The following DOK5 variants were observed in gnomAD, a reference collection of about 807,000 sequenced individuals.
DOK5 encodes the protein docking protein 5, also known as downstream of tyrosine kinase 5.
Under a neutral mutation model 43.3 loss-of-function variants are expected in DOK5, and 27 were observed. The ratio of observed to expected loss-of-function variants is 0.62; its 90% CI spans 0.46 to 0.86. The LOEUF is 0.86. Ranked by LOEUF, DOK5 falls within the 40% of genes least tolerant of loss-of-function variation. The pLI, the probability that DOK5 is intolerant of heterozygous loss-of-function variation, is 0.00. For missense variants in DOK5, 373 were observed against 392.9 expected (o/e 0.95, Z 0.43); for synonymous variants, 146 against 140.1 (o/e 1.04, Z -0.30).
chr20:54,630,391 C>A (rs1978509027), intron 6 of DOK5, among the ~76,000 whole-genome samples: 3 of 152,066 alleles, frequency 2.0e-5, no homozygotes, highest in Admixed American at 6.6e-5. Context: ...AACCTGTACT[C>A]GGAAGGGGAA....
At chr20:54,601,310 G>A (rs759692655) in intron 5 of DOK5, among the ~76,000 whole-genome samples, 2 of 152,218 alleles carry the variant, frequency 1.3e-5, no homozygotes, top group Non-Finnish European at 2.9e-5. Flanking sequence ...ACTGTTAAAA[G>A]CACTGCTAAT....
chr20:54,586,205 A>G (rs1985799203), intron 2 of DOK5, among the ~76,000 whole-genome samples: 1 of 152,218 alleles, frequency 6.6e-6, no homozygotes, highest in Non-Finnish European at 1.5e-5. Context: ...TCAGCCCTTC[A>G]GTAAGTCATT....
chr20:54,583,305 G>C (rs1416240749), intron 2 of DOK5, among the ~76,000 whole-genome samples: 1 of 152,038 alleles, frequency 6.6e-6, no homozygotes, highest in Non-Finnish European at 1.5e-5. Flanking sequence ...GTCAAGACTT[G>C]TTTTGTTACC....
At chr20:54,615,650 G>T (rs1986784967) in intron 6 of DOK5, among the ~76,000 whole-genome samples, 1 of 152,200 alleles carries the variant, frequency 6.6e-6, no homozygotes. Flanking sequence ...AGTGGCTCAT[G>T]CCTGTAATCC....
intron 1 of DOK5, among the ~76,000 whole-genome samples, chr20:54,494,224 T>A (rs1051932218): frequency 6.6e-6 from 1 of 152,246 alleles, no homozygotes; most frequent in Admixed American, 6.5e-5. Context: ...ATTGTTGTAC[T>A]CTTAATGTTC....
At chr20:54,554,888 T>C (rs779090687) in intron 1 of DOK5, 45 bp from the exon 2 acceptor site, 1 of 1,196,344 alleles carries the variant, frequency 8.4e-7, no homozygotes, top group Non-Finnish European at 1.2e-6. Flanking sequence ...AATGCAAATG[T>C]CAGTCAGGGG....
At chr20:54,524,104 A>G (rs1983503490) in intron 1 of DOK5, among the ~76,000 whole-genome samples, 1 of 152,138 alleles carries the variant, frequency 6.6e-6, no homozygotes, top group Non-Finnish European at 1.5e-5. Flanking sequence ...GTTCTAGCCC[A>G]ACGTTTATGC....
intron 1 of DOK5, among the ~76,000 whole-genome samples, chr20:54,494,098 C>G (rs1330682820): frequency 6.6e-6 from 1 of 152,196 alleles, no homozygotes; most frequent in Non-Finnish European, 1.5e-5. Context: ...GTGAGCTTCA[C>G]AAGGGCACAG....
chr20:54,597,360 A>C (rs1462762127), intron 5 of DOK5, among the ~76,000 whole-genome samples: 1 of 152,190 alleles, frequency 6.6e-6, no homozygotes, highest in African/African-American at 2.4e-5. Context: ...ATGCTGCTAC[A>C]GGCACAGAAT....
chr20:54,477,141 G>A (rs532140467), intron 1 of DOK5, among the ~76,000 whole-genome samples: 13 of 152,254 alleles, frequency 8.5e-5, no homozygotes, highest in African/African-American at 3.1e-4. Context: ...TTGATAATGA[G>A]TGGTAAATTG....
chr20:54,642,350 C>G (rs1979159892), intron 6 of DOK5, among the ~76,000 whole-genome samples: 1 of 152,120 alleles, frequency 6.6e-6, no homozygotes, highest in African/African-American at 2.4e-5. Context: ...AATACTTGTT[C>G]AAACAGACTT....
chr20:54,637,992 G>C (rs372865719), intron 6 of DOK5, among the ~76,000 whole-genome samples: 4 of 152,060 alleles, frequency 2.6e-5, no homozygotes, highest in Non-Finnish European at 4.4e-5. Flanking sequence ...CGTGGTGGCG[G>C]GCACCTGTAG....
intron 7 of DOK5, among the ~76,000 whole-genome samples, chr20:54,644,209 C>G (rs1405205894): frequency 2.6e-5 from 4 of 152,202 alleles, no homozygotes; most frequent in Admixed American, 2.6e-4. Context: ...AGCTCTTCTT[C>G]TAGAGAAGTG....
At chr20:54,631,966 G>A (rs774699075) in intron 6 of DOK5, among the ~76,000 whole-genome samples, 8 of 152,142 alleles carry the variant, frequency 5.3e-5, no homozygotes, top group African/African-American at 1.4e-4. Flanking sequence ...GCAAGACTCC[G>A]TCTCAAAAAC....
chr20:54,534,186 C>A (rs1470840995), intron 1 of DOK5, among the ~76,000 whole-genome samples: 1 of 152,110 alleles, frequency 6.6e-6, no homozygotes, highest in African/African-American at 2.4e-5. Context: ...GATTTCAAAT[C>A]TTTTTTGCTT....
intron 6 of DOK5, among the ~76,000 whole-genome samples, chr20:54,627,333 A>T (rs1381284559): frequency 6.6e-6 from 1 of 152,254 alleles, no homozygotes; most frequent in East Asian, 1.9e-4. Flanking sequence ...GCTGAATTAA[A>T]GGATTTAAGT....
chr20:54,648,500 A>G (rs1158971462), intron 7 of DOK5, among the ~76,000 whole-genome samples: 1 of 152,108 alleles, frequency 6.6e-6, no homozygotes, highest in Non-Finnish European at 1.5e-5. Context: ...ACACCCCAAG[A>G]CCTTAAGTCT....
At chr20:54,506,502 C>T (rs541308033) in intron 1 of DOK5, among the ~76,000 whole-genome samples, 7 of 151,976 alleles carry the variant, frequency 4.6e-5, no homozygotes, top group Non-Finnish European at 1.0e-4. Context: ...TCTCTGTCAC[C>T]CAGGCTGGAG....
chr20:54,634,437 C>CTTT (rs11470013), intron 6 of DOK5, among the ~76,000 whole-genome samples: 19,163 of 90,328 alleles, frequency 0.21, 3,789 homozygotes, highest in African/African-American at 0.41. Context: ...TCATATCATG[C>CTTT]TTTTTTTTTT....
Sources: allele counts gnomAD v4.1 joint callset (sites outside exome capture counted in the v4.1 genomes callset), GRCh38; gene constraint gnomAD v4.1.1; transcripts MANE v1.5; gene names NCBI Gene and HGNC (gene_info 2026-07-23, HGNC 2026-07-21).